RAD51B: variants seen among roughly 807,000 people sequenced by gnomAD.
The protein encoded by RAD51B is RAD51 paralog B, also known as DNA repair protein RAD51 homolog 2.
Under a neutral mutation model 42.2 loss-of-function variants are expected in RAD51B, and 38 were observed. The ratio of observed to expected loss-of-function variants is 0.90; its 90% CI spans 0.70 to 1.18. The LOEUF is 1.18. Ranked by LOEUF, RAD51B falls within the 50% of genes most tolerant of loss-of-function variation. RAD51B has a pLI of 0.00. For synonymous variants in RAD51B, 154 were observed against 145.2 expected, an observed-to-expected ratio of 1.06 and a Z score of -0.43; for missense variants, 373 against 400.7, an observed-to-expected ratio of 0.93 and a Z score of 0.59.
At chr14:68,411,883 T>A (rs1350745793) in intron 9 of RAD51B, among the ~76,000 whole-genome samples, 2 of 152,236 alleles carry the variant, frequency 1.3e-5, no homozygotes, top group African/African-American at 4.8e-5. Context: ...TAAATAATGA[T>A]GATGCTTTTT....
rs550148131 is a variant in RAD51B at position 68,381,006 on chromosome 14, A to G, written c.854-30418A>G. ...CATTTCTAAATTAAAAGAGCAGAAT[A>G]TAGAGCCATGAATCTTAGCCATGAA... is the stretch of plus-strand genomic sequence containing the variant. On this transcript the variant is annotated intron_variant, in intron 8 of 10. Transcript: ENST00000471583. Among the ~76,000 whole-genome samples the G allele has an allele frequency of 4.6e-5, 7 of 152,386 alleles. 1 individual carries two copies. The South Asian group carries it at 1.4e-3, about 32-fold the overall frequency.
chr14:67,948,931 C>CAAAAAAAAAAAAAAAAAAA (rs59465805), intron 7 of RAD51B, among the ~76,000 whole-genome samples: 5 of 17,056 alleles, frequency 2.9e-4, no homozygotes, highest in African/African-American at 5.8e-4. Flanking sequence ...GACTCTGTCT[C>CAAAAAAAAAAAAAAAAAAA]AAAAAAAAAA....
At chr14:68,226,917 T>C (rs1229379273) in intron 7 of RAD51B, among the ~76,000 whole-genome samples, 2 of 152,206 alleles carry the variant, frequency 1.3e-5, no homozygotes, top group African/African-American at 4.8e-5. Flanking sequence ...TAGTTTTTCT[T>C]TACTTCGTTT....
rs561734298 is a variant in RAD51B at position 68,405,315 on chromosome 14, G to A, written c.854-6109G>A. 2.0e-5 allele frequency among the ~76,000 whole-genome samples: 3 copies of A among 152,246 alleles called. No homozygotes were observed. In the South Asian group the frequency reaches 6.2e-4, roughly 32 times the overall value. ...ATAAGTTAGCCAATCATTGTGGCAT[G>A]TGCCTGTGGTCCCAGCTACTCGGTA... On this transcript the variant is annotated intron_variant, in intron 8 of 10. Transcript: ENST00000471583.
At chr14:68,401,866 AT>A (rs1326127022) in intron 8 of RAD51B, among the ~76,000 whole-genome samples, 1 of 152,208 alleles carries the variant, frequency 6.6e-6, no homozygotes, top group Admixed American at 6.5e-5. Context: ...ATTTTTTCGT[AT>A]CTAAAATGGT....
At chr14:68,482,422 T>G (rs1883271917), downstream of RAD51B, among the ~76,000 whole-genome samples, 1 of 152,106 alleles carries the variant, frequency 6.6e-6, no homozygotes, top group African/African-American at 2.4e-5. Flanking sequence ...GAGACAGGGT[T>G]GTAAAAGTTT....
intron 9 of RAD51B, chr14:68,422,073 C>T: frequency 6.6e-7 from 1 of 1,524,910 alleles, no homozygotes; most frequent in Non-Finnish European, 9.1e-7. Flanking sequence ...CCTTTCTCTC[C>T]AGTGCTCGGA....
At chr14:68,152,372 T>G (rs1217557241) in intron 7 of RAD51B, among the ~76,000 whole-genome samples, 2 of 152,170 alleles carry the variant, frequency 1.3e-5, no homozygotes, top group African/African-American at 4.8e-5. Context: ...ACAGATACGT[T>G]GAGAATGTAG....
intron 8 of RAD51B, among the ~76,000 whole-genome samples, chr14:68,409,057 CT>C (rs1253074593): frequency 1.3e-5 from 2 of 152,036 alleles, no homozygotes; most frequent in African/African-American, 2.4e-5. Flanking sequence ...TGTGGGATTT[CT>C]TTTTAGGGGT....
chr14:68,679,218 A>G (rs938599275), intron 11 of RAD51B, among the ~76,000 whole-genome samples: 1 of 152,214 alleles, frequency 6.6e-6, no homozygotes, highest in Non-Finnish European at 1.5e-5. Flanking sequence ...CCTCACTGCA[A>G]ACTTATGATC....
At chr14:68,128,493 C>A (rs10873211) in intron 7 of RAD51B, among the ~76,000 whole-genome samples, 15,166 of 152,136 alleles carry the variant, frequency 0.1, 2,259 homozygotes, top group African/African-American at 0.32. Context: ...GAGTTCGAGA[C>A]TAGCCTGGCC....
chr14:68,191,742 G>C (rs890333713), intron 7 of RAD51B, among the ~76,000 whole-genome samples: 2 of 152,176 alleles, frequency 1.3e-5, no homozygotes, highest in African/African-American at 4.8e-5. Flanking sequence ...TTCCTTAAGA[G>C]AGTTCTGCCC....
chr14:67,941,882 A>C (rs2045222654), intron 7 of RAD51B, among the ~76,000 whole-genome samples: 1 of 152,232 alleles, frequency 6.6e-6, no homozygotes, highest in African/African-American at 2.4e-5. Context: ...ATGCAGCTGC[A>C]GAGAGCAGGC....
intron 4 of RAD51B, among the ~76,000 whole-genome samples, chr14:67,842,361 T>C (rs2041458750): frequency 6.6e-6 from 1 of 152,152 alleles, no homozygotes; most frequent in Middle Eastern, 3.2e-3. Context: ...TGCTTTTTCT[T>C]TTCTATTTTG....
intron 7 of RAD51B, among the ~76,000 whole-genome samples, chr14:68,165,870 T>G (rs898185278): frequency 6.6e-6 from 1 of 152,222 alleles, no homozygotes; most frequent in African/African-American, 2.4e-5. Flanking sequence ...ATAATCCATC[T>G]AATTTGGTAA....
intron 10 of RAD51B, chr14:68,540,852 T>C (rs1887925426): frequency 1.0e-6 from 1 of 985,272 alleles, no homozygotes; most frequent in Admixed American, 6.1e-5. Context: ...ACAGACATTA[T>C]TGGAATAAAG....
intron 7 of RAD51B, among the ~76,000 whole-genome samples, chr14:68,247,374 C>T (rs1490420687): frequency 2.0e-5 from 3 of 152,108 alleles, no homozygotes; most frequent in African/African-American, 7.2e-5. Context: ...AACAACTTGT[C>T]ATCATAGAAC....
At chr14:68,597,867 G>C (rs926914340), downstream of RAD51B, among the ~76,000 whole-genome samples, 5 of 150,676 alleles carry the variant, frequency 3.3e-5, no homozygotes, top group Non-Finnish European at 5.9e-5. Context: ...CTCTATCCTT[G>C]CCAGGTCACA....
chr14:67,825,940 G>T (rs1450656865), intron 3 of RAD51B, among the ~76,000 whole-genome samples: 1 of 152,066 alleles, frequency 6.6e-6, no homozygotes, highest in African/African-American at 2.4e-5. Context: ...TTATTGGCCA[G>T]GCTGGTCTCA....
Sources: gnomAD v4.1 joint callset for allele counts (sites outside exome capture counted in the v4.1 genomes callset) on GRCh38, gnomAD v4.1.1 for gene constraint, MANE v1.5 for transcripts, NCBI Gene and HGNC (gene_info 2026-07-23, HGNC 2026-07-21) for gene names.